IFT74: variants seen among roughly 807,000 people sequenced by gnomAD.
IFT74 encodes intraflagellar transport 74, also known as intraflagellar transport protein 74 homolog.
Under a neutral mutation model 96.7 loss-of-function variants are expected in IFT74, and 92 were observed. That is an observed-to-expected ratio of 0.95 (90% CI 0.80 to 1.13). The LOEUF (loss-of-function observed/expected upper bound fraction) is 1.13. IFT74 is among the 50% of genes most tolerant of loss of function. The pLI is 0.00. For synonymous variants in IFT74, 223 were observed against 213.2 expected (o/e 1.05, Z -0.40); for missense variants, 811 against 698.2 (o/e 1.16, Z -1.82).
intron 16 of IFT74, among the ~76,000 whole-genome samples, chr9:27,050,214 C>T (rs1819862536): frequency 1.3e-5 from 2 of 152,108 alleles, no homozygotes; most frequent in African/African-American, 4.8e-5. Context: ...CACACCAGCA[C>T]GCCTAGCTAA....
At chr9:26,991,427 T>C (rs1827863595) in intron 8 of IFT74, among the ~76,000 whole-genome samples, 1 of 152,044 alleles carries the variant, frequency 6.6e-6, no homozygotes, top group South Asian at 2.1e-4. Context: ...ATTACGTTGC[T>C]CAGGCTAGTC....
At chr9:27,054,753 T>C (rs1820086225) in intron 16 of IFT74, among the ~76,000 whole-genome samples, 1 of 152,192 alleles carries the variant, frequency 6.6e-6, no homozygotes, top group Non-Finnish European at 1.5e-5. Context: ...AAGGCAACAC[T>C]CTGCCTTCTT....
intron 12 of IFT74, chr9:27,028,765 A>G (rs1829987196): frequency 8.5e-6 from 2 of 235,382 alleles, no homozygotes; most frequent in African/African-American, 4.6e-5. Context: ...AAAGAAAAAA[A>G]AAAAAAGATC....
chr9:27,006,861 G>C (rs928439575), intron 8 of IFT74, among the ~76,000 whole-genome samples: 2 of 123,494 alleles, frequency 1.6e-5, no homozygotes, highest in Non-Finnish European at 3.3e-5. Flanking sequence ...TTTTGAGATG[G>C]AGTCTCGCTC....
At chr9:27,052,935 T>G (rs1819996781) in intron 16 of IFT74, among the ~76,000 whole-genome samples, 1 of 152,084 alleles carries the variant, frequency 6.6e-6, no homozygotes, top group African/African-American at 2.4e-5. Flanking sequence ...CGATTTTGGC[T>G]CACTGCAGGC....
intron 2 of IFT74, among the ~76,000 whole-genome samples, chr9:26,975,210 G>T (rs984165763): frequency 6.6e-6 from 1 of 152,104 alleles, no homozygotes; most frequent in Admixed American, 6.5e-5. Context: ...TGTGTTGGTG[G>T]GTGTGGGTTG....
chr9:27,055,674 C>T lies in IFT74; in HGVS notation c.1399C>T (p.Gln467Ter). The change falls in exon 17 of 20, where the codon CAG becomes TAG. Residue 467 changes from glutamine to a stop codon, truncating the protein, a stop_gained. Coordinates refer to ENST00000380062, the MANE Select transcript of IFT74 (RefSeq NM_025103.4). LOFTEE classifies it high-confidence loss of function. ...ELLESKMTEE[Q>*]HSLKSKIKQM... ...TCTAGAAAGTAAGATGACTGAAGAA[C>T]AGCATTCTCTAAAAAGCAAAATTAA... The T allele has an allele frequency of 1.3e-6, 2 of 1,592,946 alleles. No homozygotes were observed. Among genetic ancestry groups the T allele is most frequent in the Non-Finnish European group, 1.7e-6 (2 of 1,171,526 alleles).
Position 27,063,368 on chromosome 9 carries a change from T to C in IFT74, c.*632T>C, listed in dbSNP as rs548954398. On this transcript the variant is annotated 3_prime_UTR_variant, in exon 20 of 20. Transcript: ENST00000380062. ...AGAACATTAGGTAAAAGACTACATT[T>C]ATAGTGGGCTGTTTTGGACTATGGC... Among the ~76,000 whole-genome samples, 34 of 152,304 alleles carry C rather than the reference T, an allele frequency of 2.2e-4. No individual in the cohort carries two copies. The highest frequency in any genetic ancestry group is 4.4e-4 in the Non-Finnish European group (30 of 67,990).
At chr9:26,982,184 T>C (rs752021922) in intron 4 of IFT74, 22 of 230,994 alleles carry the variant, frequency 9.5e-5, no homozygotes, top group Non-Finnish European at 1.8e-5. Flanking sequence ...TTATTTATGT[T>C]ATATTAATCA....
intron 12 of IFT74, among the ~76,000 whole-genome samples, chr9:27,023,751 C>T (rs959865760): frequency 6.6e-6 from 1 of 152,138 alleles, no homozygotes; most frequent in Non-Finnish European, 1.5e-5. Context: ...GCTGCCATCT[C>T]CCCCATTGAA....
intron 15 of IFT74, 56 bp downstream of exon 15, chr9:27,047,427 C>G: frequency 4.9e-6 from 5 of 1,018,208 alleles, no homozygotes; most frequent in Non-Finnish European, 7.4e-6. Context: ...GATTAACTTT[C>G]CAAATACAAC....
chr9:26,974,775 G>A (rs887036130), intron 2 of IFT74, among the ~76,000 whole-genome samples: 11 of 152,154 alleles, frequency 7.2e-5, no homozygotes, highest in African/African-American at 2.7e-4. Context: ...GAGGTCCTAA[G>A]AATTGATCAA....
chr9:27,033,573 C>CAAAAAAAAAAAAAAAAAAAAAAAAAA (rs558712485), intron 13 of IFT74, among the ~76,000 whole-genome samples: 7 of 66,284 alleles, frequency 1.1e-4, no homozygotes, highest in Non-Finnish European at 1.9e-4. Flanking sequence ...GACCCTGTCT[C>CAAAAAAAAAAAAAAAAAAAAAAAAAA]AAAAAAAAAA....
chr9:27,014,954 C>G (rs1829272978), intron 10 of IFT74, among the ~76,000 whole-genome samples: 1 of 152,174 alleles, frequency 6.6e-6, no homozygotes, highest in African/African-American at 2.4e-5. Flanking sequence ...CAAGAAAATA[C>G]CTGTCAGATA....
At position 26,997,997 on chromosome 9, in the gene IFT74, A is replaced by G. The variant is rs780005353; in HGVS notation, c.587+7802A>G. 7 of 1,613,844 alleles carry G rather than the reference A, an allele frequency of 4.3e-6. No individual in the cohort carries two copies. The African/African-American group carries it at 6.7e-5, about 15-fold the overall frequency. The stretch of plus-strand genomic sequence containing the variant: ...AAATGCACCCTGTTGAATTACATAG[A>G]TGGAGTTTCTACAGATATTTAAAAT... On this transcript the variant is annotated intron_variant, in intron 8 of 19. Transcript: ENST00000380062.
Position 26,962,023 on chromosome 9 carries a change from G to T in IFT74, c.56G>T (p.Gly19Val). The T allele has an allele frequency of 6.2e-7, 1 of 1,614,142 alleles. No homozygotes were observed. The highest frequency in any genetic ancestry group is 8.5e-7 in the Non-Finnish European group (1 of 1,179,998). The change falls in exon 2 of 20, where the codon GGG becomes GTG. Residue 19 changes from glycine to valine, a missense_variant. Physicochemically the swap from Gly to Val is moderately radical, Grantham distance 109. Transcript: ENST00000380062. ...CGCCCTGTTTCAAGAGGTGGAGTTG[G>T]GTTAACAGGAAGGCCTCCTTCTGGG... Reference protein sequence around the residue: ...AARPVSRGGVGLTGRPPSGIR... With the variant: ...AARPVSRGGVVLTGRPPSGIR...
intron 2 of IFT74, chr9:26,976,472 C>T (rs903711137): frequency 1.8e-5 from 4 of 216,276 alleles, no homozygotes; most frequent in Non-Finnish European, 3.7e-5. Context: ...TGGCTGGGGT[C>T]GGACTGCACA....
intron 8 of IFT74, chr9:26,995,850 C>A: frequency 1.3e-6 from 2 of 1,589,900 alleles, no homozygotes; most frequent in South Asian, 1.2e-5. Flanking sequence ...GGTTCATGTT[C>A]TTTAATGGAA....
At chr9:27,017,908 T>C (rs1041134455) in intron 11 of IFT74, among the ~76,000 whole-genome samples, 1 of 152,334 alleles carries the variant, frequency 6.6e-6, no homozygotes, top group Non-Finnish European at 1.5e-5. Flanking sequence ...CATATGTATA[T>C]GGGCACAGCT....
Sources: gnomAD v4.1 joint callset for allele counts (sites outside exome capture counted in the v4.1 genomes callset) on GRCh38, gnomAD v4.1.1 for gene constraint, MANE v1.5 for transcripts, NCBI Gene and HGNC (gene_info 2026-07-23, HGNC 2026-07-21) for gene names.